Variants in CTNNA3 observed in about 807,000 individuals in gnomAD.
CTNNA3 encodes the protein catenin alpha-3.
In CTNNA3, 76 loss-of-function variants were observed where a neutral mutation model predicts 95.7. The ratio of observed to expected loss-of-function variants is 0.79; its 90% CI spans 0.66 to 0.96. The LOEUF is 0.96. Among genes scored for constraint, CTNNA3 ranks in the 40% least tolerant of loss-of-function variants. The pLI is 0.00. For missense variants in CTNNA3, 1,191 were observed against 1,089.8 expected, an observed-to-expected ratio of 1.09 and a Z score of -1.31; for synonymous variants, 431 against 374.4, an observed-to-expected ratio of 1.15 and a Z score of -1.74.
At position 67,108,697 on chromosome 10, in the gene CTNNA3, G is replaced by T. The variant is rs191140498; in HGVS notation, c.1047+71620C>A. Reference sequence around the variant, plus strand: ...TTAGGTTTGCCATTTATAAAACTCAGGTCTGTCTACAGGCTCCACATCCAG... The same window carrying T: ...TTAGGTTTGCCATTTATAAAACTCATGTCTGTCTACAGGCTCCACATCCAG... On this transcript the variant is annotated intron_variant, in intron 7 of 17. Transcript: ENST00000433211. Among the ~76,000 whole-genome samples, 59 of 152,204 alleles carry T rather than the reference G, an allele frequency of 3.9e-4. 1 individual carries two copies. Among genetic ancestry groups the T allele is most frequent in the African/African-American group, 1.4e-3 (58 of 41,528 alleles).
chr10:66,154,709 T>A (rs2084388307), intron 13 of CTNNA3, among the ~76,000 whole-genome samples: 1 of 144,194 alleles, frequency 6.9e-6, no homozygotes, highest in Non-Finnish European at 1.5e-5. Context: ...CTCTACTTTT[T>A]GAAAAAGTTC....
At chr10:66,126,257 T>C (rs1442415447) in intron 13 of CTNNA3, among the ~76,000 whole-genome samples, 3 of 152,220 alleles carry the variant, frequency 2.0e-5, no homozygotes, top group Non-Finnish European at 4.4e-5. Context: ...GTTATACTAG[T>C]GTACTGAAAT....
At chr10:67,364,374 T>G (rs1415827883) in intron 5 of CTNNA3, among the ~76,000 whole-genome samples, 1 of 152,106 alleles carries the variant, frequency 6.6e-6, no homozygotes, top group African/African-American at 2.4e-5. Flanking sequence ...TCATACTGAA[T>G]GGCAAAAACT....
intron 11 of CTNNA3, among the ~76,000 whole-genome samples, chr10:66,399,615 C>A (rs1381368679): frequency 6.6e-6 from 1 of 151,860 alleles, no homozygotes; most frequent in Non-Finnish European, 1.5e-5. Flanking sequence ...GCTATCAAAG[C>A]CAAAATGCAA....
chr10:67,131,531 G>A (rs979006586), intron 7 of CTNNA3, among the ~76,000 whole-genome samples: 1 of 152,004 alleles, frequency 6.6e-6, no homozygotes, highest in Non-Finnish European at 1.5e-5. Context: ...GACCATTGGT[G>A]AACAAAGGAG....
intron 9 of CTNNA3, among the ~76,000 whole-genome samples, chr10:66,645,955 G>A (rs781616262): frequency 3.9e-5 from 6 of 152,112 alleles, no homozygotes; most frequent in Non-Finnish European, 7.4e-5. Context: ...TTTGATTATT[G>A]CAGCTATAGT....
At chr10:66,756,699 C>G (rs1839372955) in intron 9 of CTNNA3, among the ~76,000 whole-genome samples, 1 of 152,116 alleles carries the variant, frequency 6.6e-6, no homozygotes, top group Non-Finnish European at 1.5e-5. Context: ...CAATTCACCT[C>G]CTAATTCAAG....
chr10:66,637,795 T>A (rs984978926), intron 9 of CTNNA3, among the ~76,000 whole-genome samples: 1 of 152,156 alleles, frequency 6.6e-6, no homozygotes, highest in Non-Finnish European at 1.5e-5. Flanking sequence ...CCAGTTCATT[T>A]TTCATCACAG....
chr10:66,451,473 C>T (rs773757053), intron 11 of CTNNA3, among the ~76,000 whole-genome samples: 2 of 152,064 alleles, frequency 1.3e-5, no homozygotes, highest in South Asian at 2.1e-4. Context: ...GAAATAAAAA[C>T]GTATCTTTCA....
At chr10:66,753,662 CAA>C (rs753751323) in intron 9 of CTNNA3, among the ~76,000 whole-genome samples, 2 of 128,138 alleles carry the variant, frequency 1.6e-5, no homozygotes, top group Admixed American at 7.9e-5. Flanking sequence ...AACTCCATCT[CAA>C]AAAAAAAAGA....
intron 7 of CTNNA3, among the ~76,000 whole-genome samples, chr10:66,845,909 T>C (rs931522730): frequency 3.3e-5 from 5 of 151,818 alleles, no homozygotes; most frequent in African/African-American, 1.2e-4. Context: ...AGCTGGCAGA[T>C]TACTTGAGCT....
At chr10:66,777,794 C>A (rs1396020567) in intron 7 of CTNNA3, among the ~76,000 whole-genome samples, 1 of 114,198 alleles carries the variant, frequency 8.8e-6, no homozygotes, top group Non-Finnish European at 2.0e-5. Flanking sequence ...CACACACACA[C>A]ACATGCACAC....
At chr10:66,957,845 G>C (rs1421603760) in intron 7 of CTNNA3, among the ~76,000 whole-genome samples, 2 of 151,980 alleles carry the variant, frequency 1.3e-5, no homozygotes, top group African/African-American at 4.8e-5. Context: ...AGCTAGGCCT[G>C]AAGGGAGCCA....
chr10:67,551,932 T>C (rs1841047796), intron 3 of CTNNA3, among the ~76,000 whole-genome samples: 1 of 151,866 alleles, frequency 6.6e-6, no homozygotes, highest in South Asian at 2.1e-4. Flanking sequence ...AGGTCAAAAA[T>C]ATTGGGTAAA....
chr10:66,515,790 T>G (rs999787184), intron 11 of CTNNA3, among the ~76,000 whole-genome samples: 2 of 151,916 alleles, frequency 1.3e-5, no homozygotes, highest in Admixed American at 1.3e-4. Flanking sequence ...AACCTCACTA[T>G]CACAAGAACA....
intron 15 of CTNNA3, among the ~76,000 whole-genome samples, chr10:66,026,879 T>A (rs1229900701): frequency 6.6e-6 from 1 of 152,146 alleles, no homozygotes; most frequent in East Asian, 1.9e-4. Flanking sequence ...AAAATGGTGC[T>A]TCTAAGTAAT....
chr10:66,452,865 C>T (rs2093473370), intron 11 of CTNNA3, among the ~76,000 whole-genome samples: 1 of 151,950 alleles, frequency 6.6e-6, no homozygotes, highest in Admixed American at 6.6e-5. Flanking sequence ...CATCCCTGAC[C>T]CAACTAATCA....
chr10:67,689,627 C>T (rs552037737), intron 1 of CTNNA3, among the ~76,000 whole-genome samples: 12 of 152,146 alleles, frequency 7.9e-5, no homozygotes, highest in African/African-American at 1.9e-4. Flanking sequence ...CACTCATGGC[C>T]GCAGGGTCAA....
chr10:67,176,193 G>A (rs889814111), intron 7 of CTNNA3, among the ~76,000 whole-genome samples: 4 of 152,214 alleles, frequency 2.6e-5, no homozygotes, highest in Admixed American at 6.5e-5. Context: ...TTTATTTCTG[G>A]ATATTTACAT....
Sources: gnomAD v4.1 joint callset for allele counts (sites outside exome capture counted in the v4.1 genomes callset) on GRCh38, gnomAD v4.1.1 for gene constraint, MANE v1.5 for transcripts, NCBI Gene and HGNC (gene_info 2026-07-23, HGNC 2026-07-21) for gene names.